GRB10: variants seen among roughly 807,000 people sequenced by gnomAD.
The protein encoded by GRB10 is growth factor receptor-bound protein 10.
Under a neutral mutation model 80.9 loss-of-function variants are expected in GRB10, and 20 were observed. The observed-to-expected ratio is 0.25, with a 90% CI of 0.17 to 0.36. The LOEUF is 0.36. Among genes scored for constraint, GRB10 ranks in the 10% least tolerant of loss-of-function variants. GRB10 has a pLI of 1.00. For missense variants in GRB10, 548 were observed against 747.7 expected, an observed-to-expected ratio of 0.73 and a Z score of 3.12; for synonymous variants, 291 against 291.5, an observed-to-expected ratio of 1.00 and a Z score of 0.02.
intron 2 of GRB10, among the ~76,000 whole-genome samples, chr7:50,774,445 A>T (rs2077364286): frequency 6.6e-6 from 1 of 152,210 alleles, no homozygotes; most frequent in African/African-American, 2.4e-5. Flanking sequence ...CAAGATCAAG[A>T]TGCCAGCACT....
intron 13 of GRB10, 35 bp downstream of exon 13, chr7:50,612,706 T>A (rs761486904): frequency 1.4e-6 from 2 of 1,416,558 alleles, no homozygotes; most frequent in South Asian, 1.2e-5. Flanking sequence ...CACGAAGAGA[T>A]GTGCACTCAA....
chr7:50,614,683 G>T (rs1337515426), intron 12 of GRB10, 87 bp downstream of exon 12: 1 of 841,696 alleles, frequency 1.2e-6, no homozygotes, highest in Non-Finnish European at 2.1e-6. Flanking sequence ...GACAATAGAA[G>T]CAACAATCAA....
At chr7:50,603,846 CA>C in intron 17 of GRB10, 151 bp downstream of exon 17, 1 of 777,810 alleles carries the variant, frequency 1.3e-6, no homozygotes, top group Non-Finnish European at 2.3e-6. Context: ...CCCTGCGTAC[CA>C]CTTATACCTC....
At chr7:50,596,399 A>G (rs1376937585) in intron 17 of GRB10, among the ~76,000 whole-genome samples, 2 of 152,248 alleles carry the variant, frequency 1.3e-5, no homozygotes, top group African/African-American at 4.8e-5. Context: ...CCAAAAATGC[A>G]TAGCCTGAAT....
At chr7:50,612,056 C>CA (rs1319712525) in intron 13 of GRB10, among the ~76,000 whole-genome samples, 1 of 152,198 alleles carries the variant, frequency 6.6e-6, no homozygotes, top group Non-Finnish European at 1.5e-5. Context: ...TGGCAACTGG[C>CA]ATGAAATTGC....
At chr7:50,687,802 G>A (rs936359618) in intron 5 of GRB10, among the ~76,000 whole-genome samples, 1 of 151,626 alleles carries the variant, frequency 6.6e-6, no homozygotes, top group Admixed American at 6.6e-5. Flanking sequence ...GATGCTGGGC[G>A]CTGCCCTGGG....
intron 7 of GRB10, among the ~76,000 whole-genome samples, chr7:50,657,003 T>C (rs1304220753): frequency 1.3e-5 from 2 of 152,188 alleles, no homozygotes; most frequent in African/African-American, 4.8e-5. Context: ...TGGACGACAA[T>C]GCAAATTATC....
At chr7:50,720,802 C>T (rs185023930) in intron 4 of GRB10, among the ~76,000 whole-genome samples, 9 of 151,816 alleles carry the variant, frequency 5.9e-5, no homozygotes, top group Admixed American at 5.9e-4. Context: ...AAAAAGTTGC[C>T]GTTTCCTAAA....
chr7:50,753,888 G>A (rs774961646), intron 3 of GRB10, among the ~76,000 whole-genome samples: 2 of 152,232 alleles, frequency 1.3e-5, no homozygotes, highest in Admixed American at 6.5e-5. Context: ...AGGTGATCCA[G>A]GAAGTGGGCG....
intron 11 of GRB10, among the ~76,000 whole-genome samples, chr7:50,615,247 G>C (rs1170147995): frequency 6.6e-6 from 1 of 152,212 alleles, no homozygotes; most frequent in Non-Finnish European, 1.5e-5. Context: ...TGTGAGTCCA[G>C]AGTCCAACCG....
chr7:50,660,965 C>G (rs1312316262), intron 7 of GRB10, among the ~76,000 whole-genome samples: 1 of 152,168 alleles, frequency 6.6e-6, no homozygotes, highest in East Asian at 1.9e-4. Context: ...TCCAAAGGCA[C>G]CAGAAAAGGT....
chr7:50,684,332 A>AT (rs11370738), intron 5 of GRB10, among the ~76,000 whole-genome samples: 101,219 of 142,022 alleles, frequency 0.71, 37,262 homozygotes, highest in East Asian at 0.91. Context: ...TTCCAGTGAG[A>AT]TTTTTTTTTT....
chr7:50,650,218 T>G (rs1586345351), intron 7 of GRB10, among the ~76,000 whole-genome samples: 3 of 152,316 alleles, frequency 2.0e-5, no homozygotes, highest in East Asian at 1.9e-4. Flanking sequence ...CACATGCTGC[T>G]GAGATGCCAC....
chr7:50,675,015 T>C (rs556596030), intron 5 of GRB10, among the ~76,000 whole-genome samples: 1 of 152,150 alleles, frequency 6.6e-6, no homozygotes, highest in Non-Finnish European at 1.5e-5. Flanking sequence ...ACGACCCCAC[T>C]GGCCTGGACT....
chr7:50,747,118 T>C (rs2073074226), intron 3 of GRB10, among the ~76,000 whole-genome samples: 1 of 152,176 alleles, frequency 6.6e-6, no homozygotes, highest in South Asian at 2.1e-4. Context: ...CTCTCTAAAC[T>C]TATTTGAATC....
At chr7:50,594,179 C>G (rs933234370) in intron 18 of GRB10, among the ~76,000 whole-genome samples, 3 of 152,192 alleles carry the variant, frequency 2.0e-5, no homozygotes, top group African/African-American at 7.2e-5. Context: ...GAAGGCTGGG[C>G]TCAACCCCAG....
intron 7 of GRB10, among the ~76,000 whole-genome samples, chr7:50,635,064 C>T (rs1391685495): frequency 1.4e-5 from 2 of 145,396 alleles, no homozygotes; most frequent in African/African-American, 5.1e-5. Context: ...GAACATGCTA[C>T]CCAGCACCTG....
intron 5 of GRB10, among the ~76,000 whole-genome samples, chr7:50,683,540 C>T (rs965779110): frequency 2.6e-5 from 4 of 152,122 alleles, no homozygotes; most frequent in African/African-American, 9.7e-5. Flanking sequence ...AGTTCGAGAC[C>T]AGCCTGATCA....
At chr7:50,739,340 C>T (rs1361484652) in intron 3 of GRB10, among the ~76,000 whole-genome samples, 1 of 152,196 alleles carries the variant, frequency 6.6e-6, no homozygotes, top group Non-Finnish European at 1.5e-5. Flanking sequence ...GTAGATGATA[C>T]TCTTAGGCCC....
Sources: gnomAD v4.1 joint callset for allele counts (sites outside exome capture counted in the v4.1 genomes callset) on GRCh38, gnomAD v4.1.1 for gene constraint, MANE v1.5 for transcripts, NCBI Gene and HGNC (gene_info 2026-07-23, HGNC 2026-07-21) for gene names.